CORIN: variants seen among roughly 807,000 people sequenced by gnomAD.
CORIN encodes the protein corin, serine peptidase, also known as atrial natriuretic peptide-converting enzyme.
CORIN carries 117 observed loss-of-function variants against 125.3 expected under a neutral mutation model. The ratio of observed to expected loss-of-function variants is 0.93; its 90% CI spans 0.80 to 1.09. CORIN has a LOEUF of 1.09. Among genes scored for constraint, CORIN ranks in the 50% least tolerant of loss-of-function variants. CORIN has a pLI of 0.00. For missense variants in CORIN, 1,253 were observed against 1,306.7 expected (o/e 0.96, Z 0.63); for synonymous variants, 450 against 466.4 (o/e 0.96, Z 0.45).
At chr4:47,813,956 A>T (rs994597843) in intron 1 of CORIN, among the ~76,000 whole-genome samples, 121 of 152,342 alleles carry the variant, frequency 7.9e-4, no homozygotes, top group Non-Finnish European at 1.0e-4. Flanking sequence ...AATAGATGGG[A>T]TTGTATGCAA....
intron 5 of CORIN, chr4:47,706,386 G>A (rs1726552576): frequency 2.5e-6 from 4 of 1,607,476 alleles, no homozygotes; most frequent in East Asian, 2.2e-5. Context: ...GTGCATACAA[G>A]TATATCCAGG....
At chr4:47,788,592 C>T (rs568186678) in intron 2 of CORIN, among the ~76,000 whole-genome samples, 1 of 152,256 alleles carries the variant, frequency 6.6e-6, no homozygotes, top group East Asian at 1.9e-4. Context: ...GGTTTAATTA[C>T]TATAGGAAAT....
intron 2 of CORIN, among the ~76,000 whole-genome samples, chr4:47,796,349 C>T (rs1197149803): frequency 1.3e-5 from 2 of 151,996 alleles, no homozygotes; most frequent in Non-Finnish European, 2.9e-5. Context: ...AGGACAAATA[C>T]TACATGATCA....
At chr4:47,711,675 A>G (rs1053427023) in intron 5 of CORIN, among the ~76,000 whole-genome samples, 8 of 152,054 alleles carry the variant, frequency 5.3e-5, no homozygotes, top group Non-Finnish European at 1.0e-4. Context: ...TATTTAAGCC[A>G]CTCTATTTTG....
At position 47,744,520 on chromosome 4, in the gene CORIN, C is replaced by T; in HGVS notation, c.681G>A (p.Leu227=). ...CCGGCCAGGAGTAATTCACCATCCC[C>T]AGGACTGATTCACAGCCTTCTTTTG... is the stretch of plus-strand genomic sequence containing the variant. The part of the protein sequence containing the change: ...EAAKEGCESV[L]GMVNYSWPDF... The change falls in exon 5 of 22, where the codon CTG becomes CTA. Residue 227 remains leucine, a synonymous_variant. Transcript: ENST00000273857. 1 of 1,613,830 alleles carries T rather than the reference C, an allele frequency of 6.2e-7. No individual in the cohort carries two copies. Among genetic ancestry groups the T allele is most frequent in the Non-Finnish European group, 8.5e-7 (1 of 1,179,924 alleles).
At chr4:47,646,914 T>A (rs751796667) in intron 13 of CORIN, among the ~76,000 whole-genome samples, 1 of 152,142 alleles carries the variant, frequency 6.6e-6, no homozygotes, top group Admixed American at 6.5e-5. Context: ...AGAAAAAAAA[T>A]TGGTTTTCAA....
At chr4:47,799,482 G>A (rs546529036) in intron 2 of CORIN, among the ~76,000 whole-genome samples, 1 of 152,174 alleles carries the variant, frequency 6.6e-6, no homozygotes, top group South Asian at 2.1e-4. Context: ...GTATCTCACT[G>A]TGGTTTTGAT....
At chr4:47,621,732 T>G (rs1403753799) in intron 19 of CORIN, among the ~76,000 whole-genome samples, 1 of 152,162 alleles carries the variant, frequency 6.6e-6, no homozygotes, top group Non-Finnish European at 1.5e-5. Context: ...CAAACATTAT[T>G]CTATATGTTT....
intron 2 of CORIN, among the ~76,000 whole-genome samples, chr4:47,803,334 T>G (rs1439030764): frequency 6.6e-6 from 1 of 152,194 alleles, no homozygotes; most frequent in African/African-American, 2.4e-5. Flanking sequence ...AAGACATTCT[T>G]CATAGAAATA....
chr4:47,834,462 A>T (rs1383485452), intron 1 of CORIN, among the ~76,000 whole-genome samples: 1 of 152,198 alleles, frequency 6.6e-6, no homozygotes, highest in Non-Finnish European at 1.5e-5. Context: ...GGAAATGGGG[A>T]GGTATTGGAC....
intron 19 of CORIN, among the ~76,000 whole-genome samples, chr4:47,612,979 A>C (rs935027343): frequency 1.3e-5 from 2 of 152,224 alleles, no homozygotes; most frequent in African/African-American, 4.8e-5. Context: ...GACCTTCAAG[A>C]ATCAAGTTTC....
intron 21 of CORIN, among the ~76,000 whole-genome samples, chr4:47,598,422 T>TC (rs1721331171): frequency 6.6e-6 from 1 of 152,120 alleles, no homozygotes. Flanking sequence ...ACCACTGAAC[T>TC]CCCACTACTA....
intron 13 of CORIN, among the ~76,000 whole-genome samples, chr4:47,645,478 T>C (rs895925258): frequency 1.9e-4 from 29 of 152,008 alleles, no homozygotes; most frequent in African/African-American, 6.5e-4. Context: ...ATAATGTCTT[T>C]TTTCTTAAAA....
intron 1 of CORIN, among the ~76,000 whole-genome samples, chr4:47,822,737 T>A (rs747890146): frequency 3.9e-5 from 6 of 152,168 alleles, no homozygotes; most frequent in Non-Finnish European, 8.8e-5. Flanking sequence ...TTGGGATGGG[T>A]CAAGCCTCCC....
chr4:47,605,288 G>A (rs1357271024), intron 19 of CORIN, among the ~76,000 whole-genome samples: 1 of 152,110 alleles, frequency 6.6e-6, no homozygotes, highest in Non-Finnish European at 1.5e-5. Flanking sequence ...CACTGTGAAG[G>A]CAGGGATTTG....
In CORIN at chr4:47,692,952, A is replaced by C. The variant is rs747073885; in HGVS notation, c.913+18T>G. On this transcript the variant is annotated intron_variant, in intron 6 of 21. Coordinates refer to ENST00000273857, the MANE Select transcript of CORIN (RefSeq NM_006587.4). ...ATCCCTGTCCACTCAGACAAACCCT[A>C]AACAGCTTGTCACATACTGCAATGA... is the stretch of plus-strand genomic sequence containing the variant. The C allele has an allele frequency of 1.3e-6, 2 of 1,573,040 alleles. No individual in the cohort carries two copies. The highest frequency in any genetic ancestry group is 1.8e-6 in the Non-Finnish European group (2 of 1,142,596).
chr4:47,637,231 G>T (rs146007591), intron 16 of CORIN, among the ~76,000 whole-genome samples: 1,671 of 152,252 alleles, frequency 0.011, 31 homozygotes, highest in African/African-American at 0.038. Context: ...AGGTGACTTG[G>T]GTGCTGTTAA....
intron 6 of CORIN, among the ~76,000 whole-genome samples, chr4:47,686,633 C>A (rs1040413896): frequency 5.9e-5 from 9 of 152,210 alleles, no homozygotes; most frequent in African/African-American, 1.9e-4. Flanking sequence ...TCTAAAAGAT[C>A]TTTTTGATGT....
chr4:47,719,311 GC>G (rs386674272), intron 5 of CORIN, among the ~76,000 whole-genome samples: 25 of 152,034 alleles, frequency 1.6e-4, no homozygotes, highest in African/African-American at 5.6e-4. Flanking sequence ...CAGGGATTTT[GC>G]CTTATTTGTT....
Sources: gnomAD v4.1 joint callset for allele counts (sites outside exome capture counted in the v4.1 genomes callset) on GRCh38, gnomAD v4.1.1 for gene constraint, MANE v1.5 for transcripts, NCBI Gene and HGNC (gene_info 2026-07-23, HGNC 2026-07-21) for gene names.